Variants in NKAIN3 observed in about 807,000 individuals in gnomAD.
The protein encoded by NKAIN3 is sodium/potassium-transporting ATPase subunit beta-1-interacting protein 3.
Under a neutral mutation model 30.2 loss-of-function variants are expected in NKAIN3, and 25 were observed. The observed-to-expected ratio is 0.83, with a 90% confidence interval of 0.60 to 1.16. The LOEUF (loss-of-function observed/expected upper bound fraction) is 1.16, where lower values mean the gene tolerates loss of function less well. Ranked by LOEUF, NKAIN3 falls within the 50% of genes most tolerant of loss-of-function variation. The probability of loss-of-function intolerance (pLI) is 0.00; values close to 1 mark genes in which losing one functional copy is unlikely to be tolerated. For missense variants in NKAIN3, 225 were observed against 254.1 expected, an observed-to-expected ratio of 0.89 and a Z score of 0.78; for synonymous variants, 91 against 89.6, an observed-to-expected ratio of 1.02 and a Z score of -0.09.
chr8:62,749,813 G>C (rs1816217609), intron 4 of NKAIN3, among the ~76,000 whole-genome samples: 1 of 151,274 alleles, frequency 6.6e-6, no homozygotes, highest in African/African-American at 2.4e-5. Flanking sequence ...CTCCCGAGTA[G>C]CTGGGACTAC....
chr8:62,911,034 A>T (rs1019792668), intron 4 of NKAIN3, among the ~76,000 whole-genome samples: 1 of 152,182 alleles, frequency 6.6e-6, no homozygotes, highest in African/African-American at 2.4e-5. Flanking sequence ...CCTGTCAAAG[A>T]GGCTAACAAT....
At chr8:62,288,772 G>A (rs936745243) in intron 1 of NKAIN3, among the ~76,000 whole-genome samples, 3 of 152,176 alleles carry the variant, frequency 2.0e-5, no homozygotes, top group Admixed American at 6.5e-5. Context: ...TAGGATGGCT[G>A]GGTCAAATGG....
At chr8:62,613,572 G>T (rs1198787848) in intron 3 of NKAIN3, among the ~76,000 whole-genome samples, 1 of 151,942 alleles carries the variant, frequency 6.6e-6, no homozygotes, top group African/African-American at 2.4e-5. Flanking sequence ...CTATGTTTGG[G>T]ACTTTCTCTG....
At chr8:62,379,030 C>T (rs1585741052) in intron 1 of NKAIN3, among the ~76,000 whole-genome samples, 1 of 152,178 alleles carries the variant, frequency 6.6e-6, no homozygotes, top group African/African-American at 2.4e-5. Context: ...AGGGATGGAG[C>T]TTCTCAAGGC....
chr8:62,929,756 CGCAGCCCATGGGCCACAT>C (rs1563632611), intron 5 of NKAIN3, among the ~76,000 whole-genome samples: 2 of 152,118 alleles, frequency 1.3e-5, no homozygotes, highest in Admixed American at 6.5e-5. Context: ...TTGTCCAACC[CGCAGCCCATGGGCCACAT>C]GCAGCCCAGG....
intron 1 of NKAIN3, among the ~76,000 whole-genome samples, chr8:62,345,918 G>A (rs1448070490): frequency 6.6e-6 from 1 of 151,872 alleles, no homozygotes. Context: ...TGTCATTTGC[G>A]GCAACATAGA....
At chr8:62,540,400 T>C (rs1808800706) in intron 1 of NKAIN3, among the ~76,000 whole-genome samples, 1 of 152,218 alleles carries the variant, frequency 6.6e-6, no homozygotes, top group Non-Finnish European at 1.5e-5. Flanking sequence ...GGATCAGTTT[T>C]CAGTGTTTAC....
chr8:62,589,929 A>G (rs982901333), intron 3 of NKAIN3, 135 bp downstream of exon 3: 14 of 467,292 alleles, frequency 3.0e-5, no homozygotes, highest in Middle Eastern at 5.3e-4. Flanking sequence ...AGAATGATAA[A>G]ATACTATTCA....
chr8:62,403,879 T>C (rs555321474), intron 1 of NKAIN3, among the ~76,000 whole-genome samples: 7 of 152,318 alleles, frequency 4.6e-5, no homozygotes, highest in Middle Eastern at 3.4e-3. Context: ...TTGCACCATG[T>C]GCCTGGAAAA....
chr8:62,604,910 A>T (rs1326035571), intron 3 of NKAIN3, among the ~76,000 whole-genome samples: 1 of 152,112 alleles, frequency 6.6e-6, no homozygotes, highest in African/African-American at 2.4e-5. Flanking sequence ...ATCGTCCATA[A>T]TCTATTCCCG....
intron 1 of NKAIN3, among the ~76,000 whole-genome samples, chr8:62,402,004 GC>G (rs1353462753): frequency 6.6e-6 from 1 of 152,160 alleles, no homozygotes; most frequent in Non-Finnish European, 1.5e-5. Context: ...AACCTTCAGG[GC>G]TTCAAGTGTC....
At chr8:62,620,363 T>C (rs542894813) in intron 3 of NKAIN3, among the ~76,000 whole-genome samples, 1 of 152,276 alleles carries the variant, frequency 6.6e-6, no homozygotes, top group East Asian at 1.9e-4. Context: ...CAGAAAGTTC[T>C]CCATGCACAT....
At chr8:62,471,477 A>G (rs1016184392) in intron 1 of NKAIN3, among the ~76,000 whole-genome samples, 10 of 152,332 alleles carry the variant, frequency 6.6e-5, no homozygotes, top group South Asian at 2.1e-4. Flanking sequence ...ATTTAAAAAA[A>G]GAAAAATCTT....
chr8:62,651,844 G>A (rs372862483), intron 3 of NKAIN3, among the ~76,000 whole-genome samples: 1 of 151,980 alleles, frequency 6.6e-6, no homozygotes, highest in South Asian at 2.1e-4. Flanking sequence ...CTCCTCCCTT[G>A]CTCCCCTTCT....
intron 1 of NKAIN3, among the ~76,000 whole-genome samples, chr8:62,475,658 C>T (rs2129600311): frequency 6.6e-6 from 1 of 152,292 alleles, no homozygotes; most frequent in African/African-American, 2.4e-5. Flanking sequence ...GTAGACTACA[C>T]ATATCTGTAC....
intron 1 of NKAIN3, among the ~76,000 whole-genome samples, chr8:62,533,163 T>C (rs12546400): frequency 1.3e-5 from 2 of 152,048 alleles, no homozygotes; most frequent in Admixed American, 1.3e-4. Flanking sequence ...ATGAAGGAGT[T>C]TGGGGAGGAA....
At position 62,589,720 on chromosome 8, in the gene NKAIN3, G is replaced by C; in HGVS notation, c.199G>C (p.Val67Leu). ...CTCCCCCATTTCTATCTAGTATACA[G>C]TGTGGACTGCCCTCTGGGTCACCTG... Reference protein sequence around the residue: ...YRPRYIMVYTVWTALWVTWNV... With the variant: ...YRPRYIMVYTLWTALWVTWNV... The change falls in exon 3 of 7, where the codon GTG becomes CTG. Residue 67 changes from valine (V) to leucine (L), a missense_variant. Coordinates refer to ENST00000623646, the MANE Select transcript of NKAIN3 (RefSeq NM_001304533.3). 6.4e-7 allele frequency: 1 copy of C among 1,574,016 alleles called. No homozygotes were observed. Among genetic ancestry groups the C allele is most frequent in the Non-Finnish European group, 8.7e-7 (1 of 1,146,836 alleles).
At chr8:62,392,337 A>G (rs1020508625) in intron 1 of NKAIN3, among the ~76,000 whole-genome samples, 2 of 152,076 alleles carry the variant, frequency 1.3e-5, no homozygotes, top group African/African-American at 4.8e-5. Context: ...ACTTTAAAAA[A>G]TGTGTATGAT....
At chr8:62,476,660 T>C (rs1486564269) in intron 1 of NKAIN3, among the ~76,000 whole-genome samples, 1 of 152,080 alleles carries the variant, frequency 6.6e-6, no homozygotes, top group African/African-American at 2.4e-5. Flanking sequence ...TTTCACCATG[T>C]TGGCCAGGGT....
Sources: gnomAD v4.1 joint callset for allele counts (sites outside exome capture counted in the v4.1 genomes callset) on GRCh38, gnomAD v4.1.1 for gene constraint, MANE v1.5 for transcripts, NCBI Gene and HGNC (gene_info 2026-07-23, HGNC 2026-07-21) for gene names.